The following FER variants were observed in gnomAD, a reference collection of about 807,000 sequenced individuals.
The protein encoded by FER is tyrosine-protein kinase Fer.
A neutral mutation model predicts 111.0 loss-of-function variants in FER; 63 were observed. The ratio of observed to expected loss-of-function variants is 0.57; its 90% CI spans 0.46 to 0.70. FER has a LOEUF of 0.70. Among genes scored for constraint, FER ranks in the 30% least tolerant of loss-of-function variants. FER has a pLI of 0.00. For synonymous variants in FER, 327 were observed against 313.9 expected (o/e 1.04, Z -0.44); for missense variants, 914 against 954.0 (o/e 0.96, Z 0.55).
chr5:109,041,130 C>G (rs1213789706), intron 14 of FER, among the ~76,000 whole-genome samples: 4 of 151,976 alleles, frequency 2.6e-5, no homozygotes, highest in African/African-American at 9.7e-5. Context: ...ATTAAGGGCC[C>G]CCTAAGGGTT....
intron 10 of FER, among the ~76,000 whole-genome samples, chr5:108,907,414 C>A (rs889719750): frequency 6.6e-6 from 1 of 152,026 alleles, no homozygotes; most frequent in Admixed American, 6.6e-5. Flanking sequence ...TGGGCTCAGC[C>A]TTCCGAGTAG....
intron 8 of FER, among the ~76,000 whole-genome samples, chr5:108,882,232 G>T (rs1033270508): frequency 4.0e-5 from 6 of 151,690 alleles, no homozygotes; most frequent in Non-Finnish European, 7.4e-5. Flanking sequence ...GTTCCAAGAT[G>T]ACCCCTGAAA....
chr5:109,069,590 A>G (rs573755643), intron 16 of FER, among the ~76,000 whole-genome samples: 4 of 152,242 alleles, frequency 2.6e-5, no homozygotes, highest in African/African-American at 9.6e-5. Flanking sequence ...AATTTTAATA[A>G]TTGAGGTGGG....
At chr5:108,852,734 A>G (rs547406123) in intron 5 of FER, among the ~76,000 whole-genome samples, 3 of 152,264 alleles carry the variant, frequency 2.0e-5, no homozygotes, top group African/African-American at 7.2e-5. Context: ...AACTTATGGA[A>G]TGAATGCTTT....
chr5:109,049,690 G>T (rs1245955837), intron 16 of FER, among the ~76,000 whole-genome samples: 1 of 152,050 alleles, frequency 6.6e-6, no homozygotes, highest in Non-Finnish European at 1.5e-5. Flanking sequence ...GTTTAACATG[G>T]AATGTCAAAC....
chr5:108,845,206 C>T (rs2150170902), intron 5 of FER, among the ~76,000 whole-genome samples: 1 of 150,582 alleles, frequency 6.6e-6, no homozygotes, highest in African/African-American at 2.4e-5. Context: ...GTGTCTTGCT[C>T]TGTCGCCCAG....
At chr5:108,762,776 A>G (rs1020692132) in intron 1 of FER, among the ~76,000 whole-genome samples, 6 of 152,110 alleles carry the variant, frequency 3.9e-5, no homozygotes, top group African/African-American at 1.2e-4. Flanking sequence ...TTCCTTAGAT[A>G]GACATTTTGT....
intron 13 of FER, among the ~76,000 whole-genome samples, chr5:109,001,192 T>C (rs1314232784): frequency 6.6e-6 from 1 of 152,138 alleles, no homozygotes; most frequent in Non-Finnish European, 1.5e-5. Context: ...AAGAGAATTT[T>C]AGACCAATAC....
intron 17 of FER, among the ~76,000 whole-genome samples, chr5:109,169,568 A>G (rs1259548718): frequency 6.6e-6 from 1 of 152,202 alleles, no homozygotes; most frequent in Non-Finnish European, 1.5e-5. Flanking sequence ...GAGGCAAGGA[A>G]AGAACTGCTG....
intron 17 of FER, among the ~76,000 whole-genome samples, chr5:109,124,227 A>G (rs1271643331): frequency 6.6e-6 from 1 of 152,224 alleles, no homozygotes; most frequent in Non-Finnish European, 1.5e-5. Context: ...ACCCTGTCTC[A>G]AAAAAGACAT....
chr5:109,146,241 TATAATCTATCTA>T (rs1218201511), intron 17 of FER, among the ~76,000 whole-genome samples: 34 of 84,084 alleles, frequency 4.0e-4, no homozygotes, highest in African/African-American at 1.6e-3. Flanking sequence ...CTAATATATA[TATAATCTATCTA>T]ATATATATAT....
intron 9 of FER, chr5:108,894,490 A>T: frequency 5.2e-6 from 2 of 388,340 alleles, no homozygotes; most frequent in Non-Finnish European, 1.0e-5. Flanking sequence ...TATTTCTCAG[A>T]GTCTATGACA....
At chr5:109,025,103 G>T (rs1326508463) in intron 13 of FER, among the ~76,000 whole-genome samples, 4 of 151,988 alleles carry the variant, frequency 2.6e-5, no homozygotes, top group Admixed American at 2.6e-4. Flanking sequence ...GGCGATGTGG[G>T]CTCTGTTTTG....
In FER at chr5:108,960,022, T is replaced by G. The variant is rs1758937194; in HGVS notation, c.1656+675T>G. 3.3e-5 allele frequency among the ~76,000 whole-genome samples: 5 copies of G among 152,064 alleles called. No homozygotes were observed. The South Asian group carries it at 1.0e-3, about 32-fold the overall frequency. On this transcript the variant is annotated intron_variant, in intron 13 of 19. Coordinates refer to ENST00000281092, the MANE Select transcript of FER (RefSeq NM_005246.4). ...GGAACTGGCTTAGTTTCTGATCACT[T>G]TTGATGTTTCAGGAGTTGGGTTGGT...
At chr5:108,919,216 T>G (rs983324368) in intron 10 of FER, among the ~76,000 whole-genome samples, 53 of 146,602 alleles carry the variant, frequency 3.6e-4, no homozygotes, top group African/African-American at 1.3e-3. Context: ...TTCTGCTTGT[T>G]TTTTTTTTTT....
intron 5 of FER, among the ~76,000 whole-genome samples, chr5:108,840,293 T>C (rs1761125000): frequency 6.6e-6 from 1 of 152,234 alleles, no homozygotes. Flanking sequence ...CCAGAATGTC[T>C]CTTATACAGG....
In FER at chr5:109,176,877, T is replaced by C. The variant is rs537298862; in HGVS notation, c.2049-3870T>C. On this transcript the variant is annotated intron_variant, in intron 17 of 19. Transcript: ENST00000281092. ...TGTGTGGAGGAAATTATTAACATTT[T>C]CTGAAGGACATCAAATGATATTAGA... Among the ~76,000 whole-genome samples, 11 of 152,342 alleles carry C rather than the reference T, an allele frequency of 7.2e-5. No homozygotes were observed. In the East Asian group the frequency reaches 1.9e-3, roughly 27 times the overall value.
At chr5:109,139,408 T>C (rs1219307458) in intron 17 of FER, among the ~76,000 whole-genome samples, 4 of 143,592 alleles carry the variant, frequency 2.8e-5, no homozygotes, top group South Asian at 2.2e-4. Context: ...TGGAGTGCAG[T>C]GGTGCGATCT....
chr5:108,841,165 T>C (rs966818443), intron 5 of FER, among the ~76,000 whole-genome samples: 1 of 152,214 alleles, frequency 6.6e-6, no homozygotes, highest in Non-Finnish European at 1.5e-5. Flanking sequence ...TTTAAGGTAA[T>C]GCTGGCTTGA....
Sources: gnomAD v4.1 joint callset for allele counts (sites outside exome capture counted in the v4.1 genomes callset) on GRCh38, gnomAD v4.1.1 for gene constraint, MANE v1.5 for transcripts, NCBI Gene and HGNC (gene_info 2026-07-23, HGNC 2026-07-21) for gene names.